Variants in WDFY3 observed in about 807,000 individuals in gnomAD.
WDFY3 encodes the protein WD repeat and FYVE domain containing 3, also known as WD repeat and FYVE domain-containing protein 3.
A neutral mutation model predicts 409.6 loss-of-function variants in WDFY3; 66 were observed. That is an observed-to-expected ratio of 0.16 (90% CI 0.13 to 0.20). WDFY3 has a LOEUF of 0.20. Among genes scored for constraint, WDFY3 ranks in the 10% least tolerant of loss-of-function variants. The pLI is 1.00. For missense variants in WDFY3, 3,031 were observed against 4,298.1 expected (o/e 0.71, Z 8.24); for synonymous variants, 1,521 against 1,537.1 (o/e 0.99, Z 0.25).
At position 84,789,820 on chromosome 4, in the gene WDFY3, T is replaced by C. The variant is rs759994020; in HGVS notation, c.3575A>G (p.Gln1192Arg). The change falls in exon 22 of 68, where the codon CAG becomes CGG. Residue 1192 changes from glutamine to arginine, a missense_variant. Physicochemically the swap from Gln to Arg is conservative, Grantham distance 43. Around this residue, in one of 16 missense-constraint regions of WDFY3, gnomAD observed 1,322 missense variants for 1,697.9 expected, o/e 0.78. Transcript: ENST00000295888. ...FRCGELIIEG[Q>R]WHHLVLVMSK... is the part of the protein sequence containing the mutation. ...CATTACCAGGACCAAATGATGCCACTGTCCCTCAATGATAAGCTCTCCACA... is the reference window on the plus strand; with the variant it reads ...CATTACCAGGACCAAATGATGCCACCGTCCCTCAATGATAAGCTCTCCACA... 1.9e-6 allele frequency: 3 copies of C among 1,614,122 alleles called. No homozygotes were observed. The highest frequency in any genetic ancestry group is 2.5e-6 in the Non-Finnish European group (3 of 1,180,024).
At chr4:84,699,262 C>T (rs1302253332) in intron 56 of WDFY3, among the ~76,000 whole-genome samples, 1 of 152,152 alleles carries the variant, frequency 6.6e-6, no homozygotes, top group Non-Finnish European at 1.5e-5. Flanking sequence ...TGTCCTGTCT[C>T]TGTGGACTTA....
chr4:84,849,754 A>C (rs1758623218), intron 5 of WDFY3, 148 bp downstream of exon 5: 2 of 1,125,336 alleles, frequency 1.8e-6, no homozygotes, highest in Admixed American at 5.6e-5. Context: ...CAGGAAAAGA[A>C]TGTGACTCTA....
intron 67 of WDFY3, among the ~76,000 whole-genome samples, chr4:84,674,558 A>G (rs2148706421): frequency 6.6e-6 from 1 of 151,842 alleles, no homozygotes; most frequent in East Asian, 2.0e-4. Context: ...TGATAGAGGA[A>G]GACCCCATCT....
chr4:84,892,176 GT>G (rs1365637546), intron 3 of WDFY3, among the ~76,000 whole-genome samples: 1 of 151,860 alleles, frequency 6.6e-6, no homozygotes, highest in Non-Finnish European at 1.5e-5. Context: ...AATTTATCAT[GT>G]TTTGGAATGT....
Position 84,908,060 on chromosome 4 carries a change from T to C in WDFY3, c.-131-11050A>G, listed in dbSNP as rs576478578. ...GACTGGAGATATATATAAGTACCAG[T>C]TGGATAATGAAAGGATGCCATACTC... On this transcript the variant is annotated intron_variant, in intron 2 of 67. Transcript: ENST00000295888. 1.2e-3 allele frequency among the ~76,000 whole-genome samples: 177 copies of C among 152,152 alleles called. 3 individuals are homozygous for C. Among genetic ancestry groups the C allele is most frequent in the African/African-American group, 3.9e-3 (164 of 41,520 alleles).
intron 29 of WDFY3, among the ~76,000 whole-genome samples, 165 bp from the exon 30 acceptor site, chr4:84,773,094 T>C (rs1324210125): frequency 6.6e-6 from 1 of 152,068 alleles, no homozygotes; most frequent in Non-Finnish European, 1.5e-5. Context: ...AAATGCATGT[T>C]CTGATCATCT....
At chr4:84,932,479 G>A (rs1770885846) in intron 1 of WDFY3, 116 bp from the exon 2 acceptor site, 3 of 152,056 alleles carry the variant, frequency 2.0e-5, no homozygotes, top group African/African-American at 7.2e-5. Flanking sequence ...GTTTAATAAT[G>A]GAACATATAG....
rs1161837946 is a variant in WDFY3 at position 84,709,025 on chromosome 4, C to G, written c.8101G>C (p.Gly2701Arg). Residue 2701 changes from glycine to arginine, a missense_variant, in exon 53 of 68, where the codon GGT becomes CGT. This residue lies in a region of WDFY3 where 45 missense variants were observed against 121.8 expected (regional missense o/e 0.37). Transcript: ENST00000295888. ...EKSVTQRWER[G>R]EISNFQYLMH... Reference sequence around the variant, plus strand: ...AAATATTGGAAGTTGCTGATTTCACCTCTCTGGAAAAAGATAAATATTCAT... The same window carrying G: ...AAATATTGGAAGTTGCTGATTTCACGTCTCTGGAAAAAGATAAATATTCAT... 6.2e-7 allele frequency: 1 copy of G among 1,613,438 alleles called. No individual in the cohort carries two copies. Among genetic ancestry groups the G allele is most frequent in the Non-Finnish European group, 8.5e-7 (1 of 1,179,794 alleles).
At chr4:84,895,983 C>T (rs750286379) in intron 3 of WDFY3, among the ~76,000 whole-genome samples, 4 of 152,012 alleles carry the variant, frequency 2.6e-5, no homozygotes, top group South Asian at 2.1e-4. Flanking sequence ...AGAGGCTGGG[C>T]GCAGTGGCTC....
At position 84,672,901 on chromosome 4, in the gene WDFY3, C is replaced by T. The variant is rs755243242; in HGVS notation, c.10548G>A (p.Glu3516=). The T allele has an allele frequency of 6.2e-7, 1 of 1,614,016 alleles. No homozygotes were observed. Among genetic ancestry groups the T allele is most frequent in the African/African-American group, 1.3e-5 (1 of 74,912 alleles). The change falls in exon 68 of 68, where the codon GAG becomes GAA. Residue 3516 remains glutamate, a synonymous_variant. Coordinates refer to ENST00000295888, the MANE Select transcript of WDFY3 (RefSeq NM_014991.6). ...TTCGAGGCCCATCTTCTGAACCTCTCTCATGCTGTAAGTTATAATAACAGT... is the reference window on the plus strand; with the variant it reads ...TTCGAGGCCCATCTTCTGAACCTCTTTCATGCTGTAAGTTATAATAACAGT... ...CQNCYYNLQH[E]RGSEDGPRNC
At position 84,742,000 on chromosome 4, in the gene WDFY3, G is replaced by A. The variant is rs1738520466; in HGVS notation, c.6074-79C>T. ...ACCAGATCCTCAAAAAAAAAATCAGGCTAAGGTAAAATAAGTGTATCTACA... is the reference window on the plus strand; with the variant it reads ...ACCAGATCCTCAAAAAAAAAATCAGACTAAGGTAAAATAAGTGTATCTACA... On this transcript the variant is annotated intron_variant, in intron 37 of 67. Coordinates refer to ENST00000295888, the MANE Select transcript of WDFY3 (RefSeq NM_014991.6). 1.8e-5 allele frequency: 25 copies of A among 1,367,004 alleles called. No individual in the cohort carries two copies. The South Asian group carries it at 3.9e-4, about 22-fold the overall frequency. 84.7% of individuals were successfully genotyped at this position (1,367,004 alleles called of 1,614,324 possible). A position where few individuals can be genotyped will look rare whatever the true frequency, so the allele number is the denominator to read the frequency against.
chr4:84,820,689 C>T (rs993913353), intron 11 of WDFY3, among the ~76,000 whole-genome samples: 1 of 151,932 alleles, frequency 6.6e-6, no homozygotes, highest in African/African-American at 2.4e-5. Flanking sequence ...TTGCTCTGTA[C>T]AATAAAAACA....
Position 84,860,603 on chromosome 4 carries a change from G to A in WDFY3, c.-12C>T, listed in dbSNP as rs1186611719. The A allele has an allele frequency of 6.3e-7, 1 of 1,590,102 alleles. No individual in the cohort carries two copies. The highest frequency in any genetic ancestry group is 1.3e-5 in the African/African-American group (1 of 74,558). ...TTCACCATGTTCATCTTGGCTGGTT[G>A]GTGAGACGCACTTCTAATTCTGTAG... On this transcript the variant is annotated 5_prime_UTR_variant, in exon 4 of 68. Transcript: ENST00000295888.
chr4:84,756,600 T>A, intron 33 of WDFY3, among the ~76,000 whole-genome samples: 1 of 141,854 alleles, frequency 7.0e-6, no homozygotes, highest in South Asian at 2.1e-4. Flanking sequence ...TAAAATAAAA[T>A]AAAATAAAAT....
At position 84,688,738 on chromosome 4, in the gene WDFY3, C is replaced by T. The variant is rs114186570; in HGVS notation, c.9364-473G>A. Reference sequence around the variant, plus strand: ...TTTTTTTAAAAAAATGCATAAACTGCGAGAACCACATGGCTGTAGCACGTG... The same window carrying T: ...TTTTTTTAAAAAAATGCATAAACTGTGAGAACCACATGGCTGTAGCACGTG... On this transcript the variant is annotated intron_variant, in intron 61 of 67. Coordinates refer to ENST00000295888, the MANE Select transcript of WDFY3 (RefSeq NM_014991.6). 8.4e-3 allele frequency among the ~76,000 whole-genome samples: 1,279 copies of T among 152,138 alleles called. 12 individuals are homozygous for T. The highest frequency in any genetic ancestry group is 0.029 in the African/African-American group (1,195 of 41,478).
chr4:84,849,836 T>TGGGAC, intron 5 of WDFY3, 66 bp downstream of exon 5: 1 of 1,583,510 alleles, frequency 6.3e-7, no homozygotes, highest in Non-Finnish European at 8.5e-7. Context: ...TTAATTTTAA[T>TGGGAC]GGGACTTTTA....
chr4:84,907,226 G>A (rs964648831), intron 2 of WDFY3, among the ~76,000 whole-genome samples: 4 of 152,138 alleles, frequency 2.6e-5, no homozygotes, highest in African/African-American at 9.7e-5. Flanking sequence ...CAAAGGTAGA[G>A]TCTAATTAAT....
In WDFY3 at chr4:84,779,191, C is replaced by T. The variant is rs557409840; in HGVS notation, c.4366-536G>A. Among the ~76,000 whole-genome samples the T allele has an allele frequency of 1.2e-4, 19 of 152,020 alleles. No individual in the cohort carries two copies. In the South Asian group the frequency reaches 1.9e-3, roughly 15 times the overall value. On this transcript the variant is annotated intron_variant, in intron 26 of 67. Coordinates refer to ENST00000295888, the MANE Select transcript of WDFY3 (RefSeq NM_014991.6). ...TGTTCTATTTTTTCATGATAAACAA[C>T]GCTGCAATAATCATTTTGAAAGTTT...
At chr4:84,783,898 C>CACACACACAA (rs1486067955) in intron 24 of WDFY3, among the ~76,000 whole-genome samples, 2 of 150,944 alleles carry the variant, frequency 1.3e-5, no homozygotes, top group African/African-American at 4.9e-5. Flanking sequence ...CACACACACA[C>CACACACACAA]AAAAGCTCTG....
Sources: allele counts gnomAD v4.1 joint callset (sites outside exome capture counted in the v4.1 genomes callset), GRCh38; gene constraint gnomAD v4.1.1; regional missense constraint gnomAD v4.1.1; transcripts MANE v1.5; gene names NCBI Gene and HGNC (gene_info 2026-07-23, HGNC 2026-07-21).